The following PRKCH variants were observed in gnomAD, a reference collection of about 807,000 sequenced individuals.
The protein encoded by PRKCH is protein kinase C eta type.
Under a neutral mutation model 82.5 loss-of-function variants are expected in PRKCH, and 28 were observed. The observed-to-expected ratio is 0.34, with a 90% CI of 0.25 to 0.47. PRKCH has a LOEUF of 0.47. PRKCH is among the 20% of genes least tolerant of loss of function. The pLI, the probability that PRKCH is intolerant of heterozygous loss-of-function variation, is 1.00. For synonymous variants in PRKCH, 322 were observed against 327.4 expected (o/e 0.98, Z 0.18); for missense variants, 705 against 881.8 (o/e 0.80, Z 2.54).
At chr14:61,511,587 T>C (rs1429685432) in intron 10 of PRKCH, among the ~76,000 whole-genome samples, 1 of 152,222 alleles carries the variant, frequency 6.6e-6, no homozygotes, top group Non-Finnish European at 1.5e-5. Flanking sequence ...GAGGCTTGGC[T>C]CCTTTATGGC....
intron 9 of PRKCH, among the ~76,000 whole-genome samples, chr14:61,481,443 G>C (rs1368923787): frequency 1.3e-5 from 2 of 152,150 alleles, no homozygotes; most frequent in African/African-American, 2.4e-5. Flanking sequence ...TTAATAATGG[G>C]CAACAAGGAT....
intron 1 of PRKCH, among the ~76,000 whole-genome samples, chr14:61,292,087 A>G (rs1457358250): frequency 1.3e-5 from 2 of 152,114 alleles, no homozygotes; most frequent in African/African-American, 4.8e-5. Flanking sequence ...TGTATTTTAG[A>G]TGCACCACCT....
At chr14:61,453,786 TGGGAC>T in intron 7 of PRKCH, among the ~76,000 whole-genome samples, 1 of 152,040 alleles carries the variant, frequency 6.6e-6, no homozygotes, top group Non-Finnish European at 1.5e-5. Flanking sequence ...CCCAAGTAGG[TGGGAC>T]TGCAGGTGTG....
intron 1 of PRKCH, among the ~76,000 whole-genome samples, chr14:61,259,317 A>G (rs117071784): frequency 0.043 from 6,539 of 152,322 alleles, 214 homozygotes; most frequent in Middle Eastern, 0.075. Context: ...CTCTCTGATG[A>G]CATTCACTAC....
intron 1 of PRKCH, among the ~76,000 whole-genome samples, chr14:61,238,767 G>A (rs576042868): frequency 2.0e-5 from 3 of 152,098 alleles, no homozygotes; most frequent in East Asian, 3.9e-4. Flanking sequence ...CCATTCTCTT[G>A]TTAATTAATC....
chr14:61,472,859 A>G (rs1287029970), intron 9 of PRKCH, among the ~76,000 whole-genome samples: 1 of 152,234 alleles, frequency 6.6e-6, no homozygotes, highest in African/African-American at 2.4e-5. Context: ...CTTATCTTGC[A>G]TTTTAAATTC....
intron 1 of PRKCH, among the ~76,000 whole-genome samples, chr14:61,188,016 A>G (rs1420616623): frequency 6.6e-6 from 1 of 152,232 alleles, no homozygotes; most frequent in Non-Finnish European, 1.5e-5. Context: ...TTAGCATCCC[A>G]CTAACTCGCT....
intron 1 of PRKCH, among the ~76,000 whole-genome samples, chr14:61,370,887 A>G (rs1013483056): frequency 6.6e-6 from 1 of 152,064 alleles, no homozygotes; most frequent in Non-Finnish European, 1.5e-5. Flanking sequence ...GCAGTATGGA[A>G]ACTAGCGCAA....
intron 2 of PRKCH, among the ~76,000 whole-genome samples, chr14:61,434,941 A>G (rs534556949): frequency 1.0e-3 from 152 of 152,222 alleles, no homozygotes; most frequent in Non-Finnish European, 1.9e-3. Flanking sequence ...ATACATTACT[A>G]TAGCAGATAA....
At chr14:61,473,098 G>A (rs1053816427) in intron 9 of PRKCH, among the ~76,000 whole-genome samples, 1 of 152,166 alleles carries the variant, frequency 6.6e-6, no homozygotes, top group Admixed American at 6.5e-5. Flanking sequence ...CACAAGAGGA[G>A]GGCATAGACT....
intron 12 of PRKCH, 82 bp from the exon 13 acceptor site, chr14:61,547,661 T>C: frequency 1.3e-6 from 2 of 1,518,188 alleles, no homozygotes; most frequent in Non-Finnish European, 1.8e-6. Flanking sequence ...ACAGCTCCTC[T>C]GCCATGGCTG....
At chr14:61,450,812 G>C in intron 5 of PRKCH, 30 bp from the exon 6 acceptor site, 2 of 1,607,088 alleles carry the variant, frequency 1.2e-6, no homozygotes, top group Middle Eastern at 1.7e-4. Flanking sequence ...TGACATTTTA[G>C]CTCTTGTCCC....
intron 1 of PRKCH, among the ~76,000 whole-genome samples, chr14:61,365,793 A>C (rs1409733859): frequency 1.3e-5 from 2 of 152,106 alleles, no homozygotes; most frequent in Non-Finnish European, 2.9e-5. Context: ...TGAAGAAACA[A>C]GACATAAACA....
chr14:61,412,424 A>G (rs779921538), intron 2 of PRKCH, among the ~76,000 whole-genome samples: 1 of 152,190 alleles, frequency 6.6e-6, no homozygotes, highest in Non-Finnish European at 1.5e-5. Flanking sequence ...TGTTACTTCA[A>G]CCGAACCCAT....
chr14:61,240,105 CT>C (rs2044823535), intron 1 of PRKCH, among the ~76,000 whole-genome samples: 1 of 152,166 alleles, frequency 6.6e-6, no homozygotes, highest in Non-Finnish European at 1.5e-5. Flanking sequence ...GGTGATACGG[CT>C]CCAGTGACTG....
intron 1 of PRKCH, among the ~76,000 whole-genome samples, chr14:61,294,294 C>A (rs2045389053): frequency 6.6e-6 from 1 of 151,770 alleles, no homozygotes; most frequent in African/African-American, 2.4e-5. Context: ...CTAATTTTTC[C>A]TATTTTTAGT....
intron 1 of PRKCH, among the ~76,000 whole-genome samples, chr14:61,240,542 C>A (rs906481846): frequency 6.6e-6 from 1 of 152,122 alleles, no homozygotes; most frequent in Non-Finnish European, 1.5e-5. Flanking sequence ...TGGTTTCTAG[C>A]CATCTGCATT....
intron 10 of PRKCH, among the ~76,000 whole-genome samples, chr14:61,523,021 C>T (rs571889393): frequency 2.0e-4 from 31 of 152,366 alleles, no homozygotes; most frequent in Admixed American, 1.1e-3. Flanking sequence ...AACCCAGGCA[C>T]TCAAAACACA....
chr14:61,263,847 T>TTG (rs56280986), intron 1 of PRKCH, among the ~76,000 whole-genome samples: 5,563 of 144,122 alleles, frequency 0.039, 139 homozygotes, highest in African/African-American at 0.061. Flanking sequence ...AGTCAGAGTA[T>TTG]TGTGTGTGTG....
Sources: gnomAD v4.1 joint callset for allele counts (sites outside exome capture counted in the v4.1 genomes callset) on GRCh38, gnomAD v4.1.1 for gene constraint, MANE v1.5 for transcripts, NCBI Gene and HGNC (gene_info 2026-07-23, HGNC 2026-07-21) for gene names.